CDK13: variants seen among roughly 807,000 people sequenced by gnomAD.
The protein encoded by CDK13 is cyclin dependent kinase 13.
In CDK13, 40 loss-of-function variants were observed where a neutral mutation model predicts 137.6. The observed-to-expected ratio is 0.29, with a 90% confidence interval of 0.23 to 0.38. The LOEUF is 0.38. Ranked by LOEUF, CDK13 falls within the 10% of genes least tolerant of loss-of-function variation. CDK13 has a pLI of 1.00. For synonymous variants in CDK13, 869 were observed against 760.1 expected (o/e 1.14, Z -2.36); for missense variants, 1,704 against 1,951.8 (o/e 0.87, Z 2.39).
chr7:39,994,627 C>T (rs1239232276), intron 2 of CDK13, among the ~76,000 whole-genome samples: 1 of 152,116 alleles, frequency 6.6e-6, no homozygotes, highest in Non-Finnish European at 1.5e-5. Context: ...AGAATTTAAG[C>T]TTGTCTTAGA....
chr7:40,069,300 T>C (rs1462090411), intron 9 of CDK13: 2 of 453,642 alleles, frequency 4.4e-6, no homozygotes, highest in South Asian at 3.1e-5. Context: ...TAGCATTAAT[T>C]TCTTTTCAGA....
intron 1 of CDK13, chr7:39,986,698 C>T (rs1784344584): frequency 6.6e-6 from 1 of 152,158 alleles, no homozygotes; most frequent in East Asian, 1.9e-4. Context: ...ATCAGAGCCT[C>T]AGATTAAGAG....
chr7:40,022,488 C>A (rs535240085), intron 5 of CDK13, among the ~76,000 whole-genome samples: 62 of 151,928 alleles, frequency 4.1e-4, no homozygotes, highest in Middle Eastern at 6.8e-3. Flanking sequence ...AAATAAGATC[C>A]CTGAATACTT....
intron 11 of CDK13, among the ~76,000 whole-genome samples, chr7:40,081,413 A>C (rs1584081974): frequency 6.6e-6 from 1 of 152,202 alleles, no homozygotes; most frequent in Non-Finnish European, 1.5e-5. Flanking sequence ...AGCAACTATC[A>C]TAGCATTTTG....
rs916286118 is a variant in CDK13, at chr7:40,094,139, A to G, written c.3698A>G (p.Asp1233Gly). The part of the protein sequence containing the change: ...EPSTPVSGQD[D>G]LIQHQDMRIL... ...GCTCTGTTTCACTTAGGACAAGATGACCTCATCCAGCATCAAGATATGAGG... is the reference window on the plus strand; with the variant it reads ...GCTCTGTTTCACTTAGGACAAGATGGCCTCATCCAGCATCAAGATATGAGG... The change falls in exon 14 of 14, where the codon GAC becomes GGC. Residue 1233 changes from aspartate (D) to glycine (G), a missense_variant. This residue lies in a region of CDK13 where 475 missense variants were observed against 579.3 expected (regional missense o/e 0.82). Transcript: ENST00000181839. 1.2e-6 allele frequency: 2 copies of G among 1,613,380 alleles called. No individual in the cohort carries two copies. The highest frequency in any genetic ancestry group is 1.7e-6 in the Non-Finnish European group (2 of 1,179,902).
chr7:40,073,263 A>G (rs969686885), intron 9 of CDK13: 1 of 152,240 alleles, frequency 6.6e-6, no homozygotes, highest in Non-Finnish European at 1.5e-5. Context: ...GGGTTATATG[A>G]TTTATATACC....
rs1209452508 is a variant in CDK13, at chr7:40,028,218, C to CTT, written c.2354-17600_2354-17599dup. On this transcript the variant is annotated intron_variant, in intron 5 of 13. Transcript: ENST00000181839. Reference sequence around the variant, plus strand: ...CCAGGATCTCAGATGCTTGAATTGACTTTTTTTTTTTTTTTTTTTGAGATG... The same window carrying CTT: ...CCAGGATCTCAGATGCTTGAATTGACTTTTTTTTTTTTTTTTTTTTTGAGATG... Among the ~76,000 whole-genome samples, 325 of 118,952 alleles carry CTT rather than the reference C, an allele frequency of 2.7e-3. 10 individuals carry two copies. The highest frequency in any genetic ancestry group is 8.0e-3 in the African/African-American group (225 of 28,160). The allele number at this position is 118,952 out of a possible 152,430, so 78.0% of individuals were successfully genotyped here. A position where few individuals can be genotyped will look rare whatever the true frequency, so the allele number is the denominator to read the frequency against.
intron 1 of CDK13, among the ~76,000 whole-genome samples, chr7:39,954,094 G>T (rs1787329088): frequency 6.6e-6 from 1 of 152,184 alleles, no homozygotes; most frequent in Non-Finnish European, 1.5e-5. Context: ...ATTGCTCCAA[G>T]TTTAACCCTT....
At chr7:39,976,313 T>TCACA (rs1157473700) in intron 1 of CDK13, among the ~76,000 whole-genome samples, 2 of 74,268 alleles carry the variant, frequency 2.7e-5, no homozygotes, top group African/African-American at 3.7e-5. Context: ...TCTCTCTCTC[T>TCACA]CTCTCTCTCT....
rs146655992 is a variant in CDK13 at position 40,093,229 on chromosome 7, C to T, written c.3680C>T (p.Pro1227Leu). 146 of 1,610,300 alleles carry T rather than the reference C, an allele frequency of 9.1e-5. 1 individual carries two copies. The highest frequency in any genetic ancestry group is 2.3e-4 in the South Asian group (21 of 90,606). Residue 1227 changes from proline to leucine, a missense_variant, in exon 13 of 14, where the codon CCG (proline) becomes CTG (leucine). Physicochemically the swap from Pro to Leu is moderately conservative, Grantham distance 98. Around this residue, in one of 5 missense-constraint regions of CDK13, gnomAD observed 475 missense variants for 579.3 expected, o/e 0.82. Transcript: ENST00000181839. ...QLRPPPEPST[P>L]VSGQDDLIQH... The stretch of plus-strand genomic sequence containing the variant: ...AGGCCACCTCCAGAACCTAGCACTC[C>T]GGTGTCGGGTAAGTGTGCAGATACC...
At chr7:40,072,463 C>T (rs1786443505) in intron 9 of CDK13, 1 of 152,152 alleles carries the variant, frequency 6.6e-6, no homozygotes, top group Admixed American at 6.6e-5. Flanking sequence ...GCTTTTCTCC[C>T]CACCCTGAAA....
At chr7:40,016,966 C>T (rs1455893184) in intron 5 of CDK13, among the ~76,000 whole-genome samples, 1 of 151,782 alleles carries the variant, frequency 6.6e-6, no homozygotes, top group Non-Finnish European at 1.5e-5. Flanking sequence ...ATAAGAATAC[C>T]ATGGCCAGTG....
chr7:40,027,388 T>C (rs1236795427), intron 5 of CDK13, among the ~76,000 whole-genome samples: 1 of 152,192 alleles, frequency 6.6e-6, no homozygotes, highest in Non-Finnish European at 1.5e-5. Context: ...TAACCCCAGA[T>C]ATAAAAATTA....
intron 1 of CDK13, among the ~76,000 whole-genome samples, chr7:39,980,212 C>T (rs921671366): frequency 3.3e-5 from 5 of 152,110 alleles, no homozygotes; most frequent in African/African-American, 1.2e-4. Flanking sequence ...AACTGGGAAA[C>T]TAGATTTCTA....
chr7:39,979,866 A>G (rs1784187882), intron 1 of CDK13, among the ~76,000 whole-genome samples: 1 of 152,176 alleles, frequency 6.6e-6, no homozygotes, highest in Non-Finnish European at 1.5e-5. Context: ...GGAGAGAGAA[A>G]ATGTCATGAT....
At chr7:40,060,332 T>A (rs1173429291) in intron 7 of CDK13, among the ~76,000 whole-genome samples, 1 of 152,212 alleles carries the variant, frequency 6.6e-6, no homozygotes, top group East Asian at 1.9e-4. Context: ...TGTAGATAGA[T>A]TTATATAAAT....
Position 39,950,893 on chromosome 7 carries a change from C to A in CDK13, c.252C>A (p.Gly84=), listed in dbSNP as rs1034818374. The A allele has an allele frequency of 1.5e-6, 2 of 1,349,928 alleles. No individual in the cohort carries two copies. Among genetic ancestry groups the A allele is most frequent in the Non-Finnish European group, 1.9e-6 (2 of 1,061,102 alleles). The allele number at this position is 1,349,928 out of a possible 1,614,324, so 83.6% of individuals were successfully genotyped here. The change falls in exon 1 of 14, where the codon GGC becomes GGA. Residue 84 remains glycine, a synonymous_variant. Transcript: ENST00000181839. ...AAASSSCFSP[G]PPLEVKRLAR... ...CCTCCTCCTCTTGCTTCAGCCCGGGCCCCCCTCTGGAGGTCAAGCGGCTGG... is the reference window on the plus strand; with the variant it reads ...CCTCCTCCTCTTGCTTCAGCCCGGGACCCCCTCTGGAGGTCAAGCGGCTGG...
chr7:40,008,524 A>G (rs954917460), intron 5 of CDK13, among the ~76,000 whole-genome samples: 5 of 152,196 alleles, frequency 3.3e-5, no homozygotes, highest in Non-Finnish European at 7.3e-5. Flanking sequence ...ATTTTTCTTT[A>G]TTGTTAGTTA....
intron 5 of CDK13, among the ~76,000 whole-genome samples, chr7:40,010,061 G>A (rs1784864514): frequency 6.6e-6 from 1 of 152,094 alleles, no homozygotes; most frequent in Admixed American, 6.5e-5. Context: ...GGTGGGGATG[G>A]TTTTGGGGTG....
Sources: allele counts gnomAD v4.1 joint callset (sites outside exome capture counted in the v4.1 genomes callset), GRCh38; gene constraint gnomAD v4.1.1; regional missense constraint gnomAD v4.1.1; transcripts MANE v1.5; gene names NCBI Gene and HGNC (gene_info 2026-07-23, HGNC 2026-07-21).